Variants in CEMIP observed in about 807,000 individuals in gnomAD.
The protein encoded by CEMIP is cell migration inducing hyaluronidase 1, also known as cell migration-inducing and hyaluronan-binding protein.
A neutral mutation model predicts 156.9 loss-of-function variants in CEMIP; 105 were observed. The ratio of observed to expected loss-of-function variants is 0.67; its 90% CI spans 0.57 to 0.79. The LOEUF (loss-of-function observed/expected upper bound fraction) is 0.79. CEMIP is among the 30% of genes least tolerant of loss of function. The probability of loss-of-function intolerance (pLI) is 0.00; values close to 1 mark genes in which losing one functional copy is unlikely to be tolerated. For missense variants in CEMIP, 1,457 were observed against 1,769.4 expected (o/e 0.82, Z 3.17); for synonymous variants, 676 against 668.4 (o/e 1.01, Z -0.17).
At chr15:80,806,500 A>T (rs944614972) in intron 1 of CEMIP, among the ~76,000 whole-genome samples, 1 of 152,208 alleles carries the variant, frequency 6.6e-6, no homozygotes, top group Non-Finnish European at 1.5e-5. Context: ...TCTTCCAGGA[A>T]CCAGGAAAGA....
At chr15:80,887,419 C>T (rs1204236371) in intron 7 of CEMIP, among the ~76,000 whole-genome samples, 1 of 152,210 alleles carries the variant, frequency 6.6e-6, no homozygotes, top group African/African-American at 2.4e-5. Flanking sequence ...ATTTGTGATT[C>T]ATGCTCCCAT....
At chr15:80,852,517 C>G (rs1318590795) in intron 1 of CEMIP, among the ~76,000 whole-genome samples, 1 of 152,098 alleles carries the variant, frequency 6.6e-6, no homozygotes, top group Admixed American at 6.5e-5. Context: ...TCGAAGACAG[C>G]ATTTGCTTTT....
chr15:80,926,836 C>T (rs948550259), intron 19 of CEMIP, among the ~76,000 whole-genome samples: 44 of 106,758 alleles, frequency 4.1e-4, no homozygotes, highest in African/African-American at 1.7e-3. Flanking sequence ...GGGGGGTCTT[C>T]TTTTTTTTTT....
intron 1 of CEMIP, among the ~76,000 whole-genome samples, chr15:80,864,848 C>G (rs189495382): frequency 2.0e-5 from 3 of 152,184 alleles, no homozygotes; most frequent in Non-Finnish European, 2.9e-5. Flanking sequence ...GGATTTGTTA[C>G]GACAGCTTTC....
chr15:80,871,585 C>G lies in CEMIP; in HGVS notation c.-175-1953C>G, dbSNP rs1370717861. Among the ~76,000 whole-genome samples the G allele has an allele frequency of 2.0e-5, 3 of 152,134 alleles. No individual in the cohort carries two copies. In the East Asian group the frequency reaches 5.8e-4, roughly 29 times the overall value. On this transcript the variant is annotated intron_variant, in intron 1 of 29. Transcript: ENST00000394685. Reference sequence around the variant, plus strand: ...GTTAGGGCAGGAGGGATGCCCCCGCCCAGCCTGCCTCCCATACCCTGCCAC... The same window carrying G: ...GTTAGGGCAGGAGGGATGCCCCCGCGCAGCCTGCCTCCCATACCCTGCCAC...
chr15:80,798,088 T>C (rs1350230431), intron 1 of CEMIP, among the ~76,000 whole-genome samples: 1 of 152,190 alleles, frequency 6.6e-6, no homozygotes, highest in African/African-American at 2.4e-5. Flanking sequence ...ATATTACACA[T>C]TTTTCCATTA....
intron 16 of CEMIP, 130 bp from the exon 17 acceptor site, chr15:80,921,879 C>T (rs1179957497): frequency 8.0e-6 from 9 of 1,131,934 alleles, no homozygotes; most frequent in Non-Finnish European, 1.2e-5. Flanking sequence ...TGGGGGTGGG[C>T]ACCGAGGGCT....
rs949777680 is a variant in CEMIP at position 80,901,114 on chromosome 15, G to A, written c.1411+5054G>A. 7 of 379,718 alleles carry A rather than the reference G, an allele frequency of 1.8e-5. No individual in the cohort carries two copies. In the Admixed American group the frequency reaches 2.1e-4, roughly 11 times the overall value. 23.5% of individuals were successfully genotyped at this position (379,718 alleles called of 1,614,324 possible). ...CCCTCCCTTGATTTTCCACCCTGTTGTCTTTACCACCTCCCCACTTTGCCC... is the reference window on the plus strand; with the variant it reads ...CCCTCCCTTGATTTTCCACCCTGTTATCTTTACCACCTCCCCACTTTGCCC... On this transcript the variant is annotated intron_variant, in intron 12 of 29. Coordinates refer to ENST00000394685, the MANE Select transcript of CEMIP (RefSeq NM_001293298.2).
intron 1 of CEMIP, among the ~76,000 whole-genome samples, chr15:80,864,099 T>C (rs187430385): frequency 2.0e-4 from 30 of 152,176 alleles, no homozygotes. Flanking sequence ...CCCTCTGAGG[T>C]AGCAGGAACC....
At chr15:80,801,178 TG>T (rs1230893972) in intron 1 of CEMIP, among the ~76,000 whole-genome samples, 2 of 152,250 alleles carry the variant, frequency 1.3e-5, no homozygotes, top group African/African-American at 4.8e-5. Context: ...AAGCTATTGC[TG>T]TGTAATAAAC....
At position 80,936,902 on chromosome 15, in the gene CEMIP, C is replaced by A; in HGVS notation, c.3221+17C>A. On this transcript the variant is annotated intron_variant, in intron 24 of 29. Coordinates refer to ENST00000394685, the MANE Select transcript of CEMIP (RefSeq NM_001293298.2). The stretch of plus-strand genomic sequence containing the variant: ...CTTCAACAAGTGAGTGGGTGTCCAG[C>A]CAGGAGCAGTGAGCTCAAAGCTGAT... 1 of 1,611,394 alleles carries A rather than the reference C, an allele frequency of 6.2e-7. No homozygotes were observed. Among genetic ancestry groups the A allele is most frequent in the Non-Finnish European group, 8.5e-7 (1 of 1,177,866 alleles).
At chr15:80,849,508 C>T (rs1257469020) in intron 1 of CEMIP, among the ~76,000 whole-genome samples, 1 of 152,208 alleles carries the variant, frequency 6.6e-6, no homozygotes, top group African/African-American at 2.4e-5. Flanking sequence ...TGCTCACCCA[C>T]TTCACGCCGT....
At chr15:80,872,193 G>T (rs1420443366) in intron 1 of CEMIP, among the ~76,000 whole-genome samples, 1 of 152,224 alleles carries the variant, frequency 6.6e-6, no homozygotes, top group African/African-American at 2.4e-5. Context: ...AGGAGCCTGG[G>T]CCGGGTGAGA....
At chr15:80,827,448 G>C (rs1483365236) in intron 1 of CEMIP, among the ~76,000 whole-genome samples, 2 of 152,076 alleles carry the variant, frequency 1.3e-5, no homozygotes, top group Non-Finnish European at 2.9e-5. Context: ...GTGAAACCCT[G>C]TCTCTACTAA....
intron 29 of CEMIP, 72 bp downstream of exon 29, chr15:80,947,137 G>C: frequency 1.0e-6 from 1 of 959,866 alleles, no homozygotes; most frequent in Non-Finnish European, 1.7e-6. Flanking sequence ...GGAGGGTGCT[G>C]TCATCTTTTG....
intron 28 of CEMIP, among the ~76,000 whole-genome samples, chr15:80,943,734 C>T (rs1003374232): frequency 1.3e-5 from 2 of 152,144 alleles, no homozygotes; most frequent in South Asian, 2.1e-4. Flanking sequence ...CCCTCCACAG[C>T]GTCCTCTCTT....
intron 12 of CEMIP, among the ~76,000 whole-genome samples, chr15:80,901,464 G>C (rs900715558): frequency 6.6e-6 from 1 of 152,168 alleles, no homozygotes; most frequent in Non-Finnish European, 1.5e-5. Flanking sequence ...CACTTTGGGA[G>C]GCTGAGGTGG....
intron 1 of CEMIP, among the ~76,000 whole-genome samples, chr15:80,832,724 C>T (rs1897183682): frequency 6.6e-6 from 1 of 152,140 alleles, no homozygotes; most frequent in Non-Finnish European, 1.5e-5. Flanking sequence ...CATTAAAATC[C>T]AGATATTCCA....
At position 80,924,643 on chromosome 15, in the gene CEMIP, G is replaced by A. The variant is rs769312673; in HGVS notation, c.2225G>A (p.Gly742Glu). 3.1e-6 allele frequency: 5 copies of A among 1,614,082 alleles called. No homozygotes were observed. The highest frequency in any genetic ancestry group is 3.4e-6 in the Non-Finnish European group (4 of 1,180,004). The change falls in exon 18 of 30, where the codon GGA (glycine) becomes GAA (glutamate). Residue 742 changes from glycine to glutamate, a missense_variant. Gly to Glu is a moderately conservative substitution (Grantham distance 98). Transcript: ENST00000394685. ...CAGGCTGGCATGATCATAGACAACG[G>A]AGTCAAAACCACCGAGGCCTCTGCC... ...NYRAGMIIDN[G>E]VKTTEASAKD...
Sources: gnomAD v4.1 joint callset for allele counts (sites outside exome capture counted in the v4.1 genomes callset) on GRCh38, gnomAD v4.1.1 for gene constraint, MANE v1.5 for transcripts, NCBI Gene and HGNC (gene_info 2026-07-23, HGNC 2026-07-21) for gene names.